Variants in GEMIN5 observed in about 807,000 individuals in gnomAD.
The protein encoded by GEMIN5 is gem nuclear organelle associated protein 5.
In GEMIN5, 124 loss-of-function variants were observed where a neutral mutation model predicts 176.9. The ratio of observed to expected loss-of-function variants is 0.70; its 90% confidence interval spans 0.61 to 0.81. The LOEUF (loss-of-function observed/expected upper bound fraction) is 0.81, where lower values mean the gene tolerates loss of function less well. Ranked by LOEUF, GEMIN5 falls within the 40% of genes least tolerant of loss-of-function variation. The pLI is 0.00. For missense variants in GEMIN5, 1,843 were observed against 1,814.6 expected, an observed-to-expected ratio of 1.02 and a Z score of -0.28; for synonymous variants, 673 against 665.2, an observed-to-expected ratio of 1.01 and a Z score of -0.18.
At chr5:154,905,066 C>T (rs1014765193) in intron 17 of GEMIN5, among the ~76,000 whole-genome samples, 4 of 152,062 alleles carry the variant, frequency 2.6e-5, no homozygotes, top group South Asian at 2.1e-4. Flanking sequence ...TGGTGGCGGG[C>T]GCCTGTAATC....
In GEMIN5 at chr5:154,891,562, G is replaced by A. The variant is rs776879194; in HGVS notation, c.3941C>T (p.Pro1314Leu). 3.1e-6 allele frequency: 5 copies of A among 1,614,034 alleles called. No homozygotes were observed. In the East Asian group the frequency reaches 8.9e-5, roughly 29 times the overall value. The stretch of plus-strand genomic sequence containing the variant: ...GCTGGCAGTGTCTAACTGCTGGCTT[G>A]GCTCAACAGAGAGTGTTCTGTGACC... ...RAGHRTLSVEPSQQLDTASTE... is the reference protein window; with the variant it reads ...RAGHRTLSVELSQQLDTASTE... The change falls in exon 26 of 28, where the codon CCA (proline) becomes CTA (leucine). Residue 1314 changes from proline (P) to leucine (L), a missense_variant. By Grantham distance (98) the Pro-to-Leu change is moderately conservative. Transcript: ENST00000285873.
In GEMIN5 at chr5:154,938,155, A is replaced by G. The variant is rs771468507; in HGVS notation, c.-22T>C. 5.2e-6 allele frequency: 7 copies of G among 1,354,198 alleles called. No homozygotes were observed. The highest frequency in any genetic ancestry group is 5.7e-5 in the East Asian group (2 of 35,038). 83.9% of individuals were successfully genotyped at this position (1,354,198 alleles called of 1,614,324 possible). ...CCATAACTACAAGCCGTCAGAGACA[A>G]GAGAAGCTGCCACAGCCGACCGCTC... On this transcript the variant is annotated 5_prime_UTR_variant, in exon 1 of 28. Transcript: ENST00000285873.
intron 23 of GEMIN5, 74 bp downstream of exon 23, chr5:154,898,354 CAACTGGGTTATT>C: frequency 8.2e-7 from 1 of 1,214,862 alleles, no homozygotes; most frequent in Non-Finnish European, 1.2e-6. Context: ...ACAGCTTGTG[CAACTGGGTTATT>C]AACTTGGATT....
rs745319089 is a variant in GEMIN5, at chr5:154,902,561, G to A, written c.2844C>T (p.Asn948=). Residue 948 remains asparagine, a synonymous_variant, in exon 20 of 28, where the codon AAC becomes AAT. Transcript: ENST00000285873. ...TAAERGELTD[N]LVAMAPAAGY... ...TACCTGCTGGTGCCATAGCCACAAG[G>A]TTGTCTGTCAGCTCCCCTCTTTCTG... The A allele has an allele frequency of 6.2e-7, 1 of 1,614,076 alleles. No individual in the cohort carries two copies.
intron 24 of GEMIN5, among the ~76,000 whole-genome samples, chr5:154,893,160 A>T (rs1273658302): frequency 6.6e-6 from 1 of 151,844 alleles, no homozygotes; most frequent in African/African-American, 2.4e-5. Context: ...TGTAATTAAA[A>T]ACAAAATAAA....
In GEMIN5 at chr5:154,899,259, C is replaced by A. The variant is rs1294618095; in HGVS notation, c.3066G>T (p.Leu1022=). 5.6e-6 allele frequency: 9 copies of A among 1,612,914 alleles called. No individual in the cohort carries two copies. The East Asian group carries it at 2.0e-4, about 36-fold the overall frequency. Reference sequence around the variant, plus strand: ...TTCCCCAGCTGAGGTACAAGTCCTTCAGGACTGGGTCCTCCGGGCGCAGCC... The same window carrying A: ...TTCCCCAGCTGAGGTACAAGTCCTTAAGGACTGGGTCCTCCGGGCGCAGCC... ...KARLRPEDPV[L]KDLYLSWGTV... The change falls in exon 22 of 28, where the codon CTG becomes CTT. Residue 1022 remains leucine, a synonymous_variant. Transcript: ENST00000285873.
Position 154,917,072 on chromosome 5 carries a change from G to C in GEMIN5, c.1781C>G (p.Pro594Arg), listed in dbSNP as rs142530738. The change falls in exon 13 of 28, where the codon CCA becomes CGA. Residue 594 changes from proline (P) to arginine (R), a missense_variant. By Grantham distance (103) the Pro-to-Arg change is moderately radical. Coordinates refer to ENST00000285873, the MANE Select transcript of GEMIN5 (RefSeq NM_015465.5). Reference protein sequence around the residue: ...ISWHHEHGSQPELSYLMASGS... With the variant: ...ISWHHEHGSQRELSYLMASGS... ...AGAGGCCATCAGATAGCTCAATTCT[G>C]GCTGGCTGCCATGCTCATGATGCCA... 5,157 of 1,609,288 alleles carry C rather than the reference G, an allele frequency of 3.2e-3. 15 individuals are homozygous for C. The highest frequency in any genetic ancestry group is 3.6e-3 in the Non-Finnish European group (4,261 of 1,176,330).
rs2113522761 is a variant in GEMIN5 at position 154,938,201 on chromosome 5, G to C, written c.-68C>G. On this transcript the variant is annotated 5_prime_UTR_variant, in exon 1 of 28. Coordinates refer to ENST00000285873, the MANE Select transcript of GEMIN5 (RefSeq NM_015465.5). Reference sequence around the variant, plus strand: ...CGCTCGTAGCCTCACGCCTTAGGTAGGGAGCGGGGCGGGGTGAACTCCGAG... The same window carrying C: ...CGCTCGTAGCCTCACGCCTTAGGTACGGAGCGGGGCGGGGTGAACTCCGAG... 8.0e-7 allele frequency: 1 copy of C among 1,244,580 alleles called. No individual in the cohort carries two copies. The highest frequency in any genetic ancestry group is 4.1e-5 in the Admixed American group (1 of 24,238). 77.1% of individuals were successfully genotyped at this position (1,244,580 alleles called of 1,614,324 possible).
At chr5:154,908,392 G>A (rs1022451075) in intron 15 of GEMIN5, among the ~76,000 whole-genome samples, 1 of 151,940 alleles carries the variant, frequency 6.6e-6, no homozygotes, top group Non-Finnish European at 1.5e-5. Context: ...TGTTGGTCAG[G>A]CTGGTCTCAA....
chr5:154,911,880 C>A lies in GEMIN5; in HGVS notation c.2014G>T (p.Glu672Ter). The change falls in exon 15 of 28, where the codon GAA becomes TAA. Residue 672 changes from glutamate to a stop codon, truncating the protein, a stop_gained. Coordinates refer to ENST00000285873, the MANE Select transcript of GEMIN5 (RefSeq NM_015465.5). LOFTEE classifies it high-confidence loss of function. ...CCTCGGAAATTGCACAGGGGCTCTT[C>A]CCGGAGAGCATCCCACACCTAAACC... is the stretch of plus-strand genomic sequence containing the variant. Reference protein sequence around the residue: ...GTAQVWDALREEPLCNFRGHR... With the variant: ...GTAQVWDALR The A allele has an allele frequency of 6.2e-7, 1 of 1,614,040 alleles. No homozygotes were observed. The highest frequency in any genetic ancestry group is 8.5e-7 in the Non-Finnish European group (1 of 1,179,976).
rs1763845626 is a variant in GEMIN5 at position 154,917,939 on chromosome 5, A to G, written c.1665T>C (p.Asn555=). The G allele has an allele frequency of 1.9e-6, 3 of 1,607,166 alleles. No individual in the cohort carries two copies. The highest frequency in any genetic ancestry group is 2.2e-5 in the East Asian group (1 of 44,822). Reference sequence around the variant, plus strand: ...AAGAAGCAAATACATACCCATCTTCATTGCCAAGAGCCATGATTTTGCCAT... The same window carrying G: ...AAGAAGCAAATACATACCCATCTTCGTTGCCAAGAGCCATGATTTTGCCAT... ...KADGKIMALG[N]EDGSIEIFQI... is the part of the protein sequence containing the mutation. Residue 555 remains asparagine, a synonymous_variant, in exon 12 of 28, where the codon AAT becomes AAC. Transcript: ENST00000285873.
chr5:154,909,341 A>T (rs1319114186), intron 15 of GEMIN5, among the ~76,000 whole-genome samples: 4 of 151,886 alleles, frequency 2.6e-5, no homozygotes, highest in Non-Finnish European at 5.9e-5. Flanking sequence ...TCTAGTTGGC[A>T]TCCTACCACA....
At chr5:154,898,771 AT>A in intron 22 of GEMIN5, 121 bp from the exon 23 acceptor site, 1 of 794,458 alleles carries the variant, frequency 1.3e-6, no homozygotes, top group Admixed American at 2.1e-5. Flanking sequence ...GGTCCCAGGT[AT>A]GTCACTGCCC....
Position 154,889,385 on chromosome 5 carries a change from G to C in GEMIN5, c.4295C>G (p.Pro1432Arg). 6.2e-7 allele frequency: 1 copy of C among 1,609,718 alleles called. No individual in the cohort carries two copies. The highest frequency in any genetic ancestry group is 8.5e-7 in the Non-Finnish European group (1 of 1,176,288). The part of the protein sequence containing the change: ...KEEKNEPLSL[P>R]ELTKRLTEAN... Reference sequence around the variant, plus strand: ...CTCGGTAAGCCTTTTGGTTAACTCAGGCAGAGAAAGTGGCTCATTTTTTTC... The same window carrying C: ...CTCGGTAAGCCTTTTGGTTAACTCACGCAGAGAAAGTGGCTCATTTTTTTC... The change falls in exon 27 of 28, where the codon CCT becomes CGT. Residue 1432 changes from proline to arginine, a missense_variant. By Grantham distance (103) the Pro-to-Arg change is moderately radical (BLOSUM62 -2). Transcript: ENST00000285873.
chr5:154,926,105 T>G (rs766043007), intron 7 of GEMIN5, 31 bp from the exon 8 acceptor site: 32 of 1,395,256 alleles, frequency 2.3e-5, no homozygotes, highest in Non-Finnish European at 3.2e-5. Context: ...GGCCTAAACA[T>G]AAAAAAGAAC....
intron 15 of GEMIN5, among the ~76,000 whole-genome samples, 174 bp from the exon 16 acceptor site, chr5:154,907,992 T>G (rs906645066): frequency 2.0e-5 from 3 of 152,082 alleles, no homozygotes; most frequent in Non-Finnish European, 4.4e-5. Flanking sequence ...CTTTTGAAAT[T>G]TCATTAAATC....
intron 27 of GEMIN5, among the ~76,000 whole-genome samples, chr5:154,888,767 T>G (rs925045389): frequency 6.6e-6 from 1 of 152,240 alleles, no homozygotes; most frequent in African/African-American, 2.4e-5. Context: ...TCTCTGAAGA[T>G]TGAGGTATAA....
chr5:154,924,879 C>T (rs1029381227), intron 8 of GEMIN5, among the ~76,000 whole-genome samples: 6 of 151,972 alleles, frequency 3.9e-5, no homozygotes, highest in Non-Finnish European at 1.5e-5. Flanking sequence ...GTCCCAGCTA[C>T]TCGGGAGGCT....
At position 154,932,305 on chromosome 5, in the gene GEMIN5, C is replaced by T. The variant is rs1208732117; in HGVS notation, c.510-55G>A. ...AAAAAATGAAGACAGAACAGAGTCT[C>T]TAGTAAACATTTTGGCTTGGAGTTA... On this transcript the variant is annotated intron_variant, in intron 3 of 27. Transcript: ENST00000285873. 2.8e-5 allele frequency: 38 copies of T among 1,337,524 alleles called. No individual in the cohort carries two copies. In the East Asian group the frequency reaches 9.0e-4, roughly 32 times the overall value. 82.9% of individuals were successfully genotyped at this position (1,337,524 alleles called of 1,614,324 possible).
Sources: allele counts gnomAD v4.1 joint callset (sites outside exome capture counted in the v4.1 genomes callset), GRCh38; gene constraint gnomAD v4.1.1; transcripts MANE v1.5; gene names NCBI Gene and HGNC (gene_info 2026-07-23, HGNC 2026-07-21).